Variants in FGF12 observed in about 807,000 individuals in gnomAD.
The protein encoded by FGF12 is fibroblast growth factor 12B.
A neutral mutation model predicts 23.6 loss-of-function variants in FGF12; 14 were observed. The observed-to-expected ratio is 0.59, with a 90% CI of 0.39 to 0.93. The LOEUF (loss-of-function observed/expected upper bound fraction) is 0.93. Among genes scored for constraint, FGF12 ranks in the 40% least tolerant of loss-of-function variants. FGF12 has a pLI of 0.00. For missense variants in FGF12, 175 were observed against 217.8 expected (o/e 0.80, Z 1.24); for synonymous variants, 62 against 77.3 (o/e 0.80, Z 1.04).
Position 192,702,407 on chromosome 3 carries a change from A to G in FGF12, c.13+24774T>C, listed in dbSNP as rs777742331. Reference sequence around the variant, plus strand: ...AGAGAAATTCACCTTGAAAATATACATAGAACTAAATACCTACATTATGTA... The same window carrying G: ...AGAGAAATTCACCTTGAAAATATACGTAGAACTAAATACCTACATTATGTA... On this transcript the variant is annotated intron_variant, in intron 2 of 5. Transcript: ENST00000445105. 8.5e-5 allele frequency among the ~76,000 whole-genome samples: 13 copies of G among 152,220 alleles called. 1 individual carries two copies. Among genetic ancestry groups the G allele is most frequent in the African/African-American group, 2.4e-4 (10 of 41,458 alleles).
chr3:192,189,953 G>A (rs949153215), intron 4 of FGF12, among the ~76,000 whole-genome samples: 9 of 152,134 alleles, frequency 5.9e-5, no homozygotes, highest in African/African-American at 2.2e-4. Context: ...AGCAAGGGGG[G>A]ATGGTGGGGG....
At chr3:192,189,205 A>G (rs1241273391) in intron 4 of FGF12, among the ~76,000 whole-genome samples, 1 of 152,126 alleles carries the variant, frequency 6.6e-6, no homozygotes, top group African/African-American at 2.4e-5. Flanking sequence ...CCTTTGATTT[A>G]TTTATTCTCC....
intron 2 of FGF12, among the ~76,000 whole-genome samples, chr3:192,577,537 C>T (rs966915310): frequency 1.3e-5 from 2 of 152,098 alleles, no homozygotes; most frequent in African/African-American, 4.8e-5. Context: ...GAGATGAAAC[C>T]AGAACAGACT....
intron 4 of FGF12, among the ~76,000 whole-genome samples, chr3:192,187,019 A>G (rs2108641864): frequency 6.6e-6 from 1 of 152,306 alleles, no homozygotes; most frequent in African/African-American, 2.4e-5. Context: ...ATCATTTTAT[A>G]AAAGGAAGCC....
chr3:192,248,657 G>C (rs910438685), intron 4 of FGF12, among the ~76,000 whole-genome samples: 1 of 152,104 alleles, frequency 6.6e-6, no homozygotes, highest in Non-Finnish European at 1.5e-5. Context: ...ACACGCCTGT[G>C]GTCCCAGCTA....
At chr3:192,333,215 ACTTT>A (rs1444957031) in intron 4 of FGF12, among the ~76,000 whole-genome samples, 1 of 152,034 alleles carries the variant, frequency 6.6e-6, no homozygotes, top group Non-Finnish European at 1.5e-5. Flanking sequence ...CTGTTGTCAA[ACTTT>A]CTGTGTTTTT....
chr3:192,393,345 A>T (rs1720388613), intron 2 of FGF12, among the ~76,000 whole-genome samples: 1 of 152,252 alleles, frequency 6.6e-6, no homozygotes. Context: ...ACTTGTAAAT[A>T]GGGAGAAATA....
intron 2 of FGF12, among the ~76,000 whole-genome samples, chr3:192,572,530 A>G (rs937323790): frequency 1.3e-5 from 2 of 152,236 alleles, no homozygotes; most frequent in African/African-American, 4.8e-5. Context: ...CACAAACAGA[A>G]CAAAACAAAC....
intron 2 of FGF12, among the ~76,000 whole-genome samples, chr3:192,601,174 C>T (rs1714100639): frequency 6.6e-6 from 1 of 152,016 alleles, no homozygotes; most frequent in African/African-American, 2.4e-5. Context: ...GAGGGCATTA[C>T]ATTAAATGAA....
At chr3:192,435,244 T>C (rs908638041) in intron 2 of FGF12, among the ~76,000 whole-genome samples, 9 of 152,234 alleles carry the variant, frequency 5.9e-5, no homozygotes, top group Admixed American at 3.9e-4. Context: ...TCAGATCTTT[T>C]TCATTTAGTG....
intron 2 of FGF12, among the ~76,000 whole-genome samples, chr3:192,372,940 C>G (rs1407212522): frequency 6.6e-6 from 1 of 152,156 alleles, no homozygotes; most frequent in Non-Finnish European, 1.5e-5. Context: ...CTATTCAGAC[C>G]TAGGGATTTT....
chr3:192,564,363 C>T (rs112434140), intron 2 of FGF12, among the ~76,000 whole-genome samples: 1 of 152,116 alleles, frequency 6.6e-6, no homozygotes, highest in Admixed American at 6.5e-5. Flanking sequence ...TGCGCCCTGC[C>T]GACCATGTGT....
intron 2 of FGF12, among the ~76,000 whole-genome samples, chr3:192,496,877 T>C (rs1025767709): frequency 1.3e-5 from 2 of 152,238 alleles, no homozygotes; most frequent in African/African-American, 4.8e-5. Context: ...TCTGGGTTTT[T>C]GGTAGGATTT....
At chr3:192,220,277 G>A (rs1332581378) in intron 4 of FGF12, among the ~76,000 whole-genome samples, 1 of 152,014 alleles carries the variant, frequency 6.6e-6, no homozygotes, top group Non-Finnish European at 1.5e-5. Flanking sequence ...GACCCTCCAT[G>A]ACCTGGCTCC....
intron 4 of FGF12, among the ~76,000 whole-genome samples, chr3:192,300,072 A>G (rs1181342157): frequency 2.6e-5 from 4 of 152,194 alleles, no homozygotes; most frequent in African/African-American, 9.7e-5. Flanking sequence ...AAAAGCCAAT[A>G]GAAACTCTGG....
rs533677536 is a variant in FGF12, at chr3:192,664,806, C to T, written c.13+62375G>A. Among the ~76,000 whole-genome samples the T allele has an allele frequency of 2.0e-5, 3 of 151,948 alleles. No homozygotes were observed. The East Asian group carries it at 5.8e-4, about 29-fold the overall frequency. ...CAAAAAGTCACCAAAAAGCCAGCCCCAAATAGTTTGATTATTTATTGTTAT... is the reference window on the plus strand; with the variant it reads ...CAAAAAGTCACCAAAAAGCCAGCCCTAAATAGTTTGATTATTTATTGTTAT... On this transcript the variant is annotated intron_variant, in intron 2 of 5. Coordinates refer to ENST00000445105, the MANE Select transcript of FGF12 (RefSeq NM_004113.6).
chr3:192,305,754 T>G (rs1715605489), intron 4 of FGF12, among the ~76,000 whole-genome samples: 1 of 148,938 alleles, frequency 6.7e-6, no homozygotes, highest in African/African-American at 2.4e-5. Flanking sequence ...AGAGTCTTAG[T>G]TTTTGTGTCG....
At chr3:192,613,442 C>T (rs1714625093) in intron 2 of FGF12, among the ~76,000 whole-genome samples, 1 of 151,834 alleles carries the variant, frequency 6.6e-6, no homozygotes, top group Non-Finnish European at 1.5e-5. Context: ...ACACTAAAGA[C>T]TGAAAGCAAA....
chr3:192,492,594 TTAAAG>T (rs1423349487), intron 2 of FGF12, among the ~76,000 whole-genome samples: 2 of 152,170 alleles, frequency 1.3e-5, no homozygotes, highest in African/African-American at 4.8e-5. Flanking sequence ...TATGGTTATA[TTAAAG>T]TAATTATTTT....
Sources: gnomAD v4.1 joint callset for allele counts (sites outside exome capture counted in the v4.1 genomes callset) on GRCh38, gnomAD v4.1.1 for gene constraint, MANE v1.5 for transcripts, NCBI Gene and HGNC (gene_info 2026-07-23, HGNC 2026-07-21) for gene names.